Variants in CDH13 observed in about 807,000 individuals in gnomAD.
CDH13 encodes cadherin 13, also known as cadherin-13.
A neutral mutation model predicts 63.8 loss-of-function variants in CDH13; 24 were observed. That is an observed-to-expected ratio of 0.38 (90% confidence interval 0.27 to 0.53). The LOEUF is 0.53. CDH13 is among the 20% of genes least tolerant of loss of function. CDH13 has a pLI of 0.85. For missense variants in CDH13, 1,049 were observed against 903.1 expected (o/e 1.16, Z -2.07); for synonymous variants, 503 against 355.3 (o/e 1.42, Z -4.67).
In CDH13 at chr16:83,032,158, T is replaced by C; in HGVS notation, c.306T>C (p.His102=). The C allele has an allele frequency of 6.2e-7, 1 of 1,613,708 alleles. No homozygotes were observed. The highest frequency in any genetic ancestry group is 8.5e-7 in the Non-Finnish European group (1 of 1,179,786). The stretch of plus-strand genomic sequence containing the variant: ...TGTTCGTCCATGCACGGACCCCCCA[T>C]GCGGAAGATATGGCAGAACTCGTGA... ...KTLFVHARTP[H]AEDMAELVIV... The change falls in exon 3 of 14, where the codon CAT becomes CAC. Residue 102 remains histidine (H), a synonymous_variant. Transcript: ENST00000567109.
chr16:83,289,574 A>T (rs1020188652), intron 5 of CDH13, among the ~76,000 whole-genome samples: 4 of 152,168 alleles, frequency 2.6e-5, no homozygotes, highest in Non-Finnish European at 5.9e-5. Context: ...AATGGAGTAA[A>T]CATACAGGAT....
intron 5 of CDH13, among the ~76,000 whole-genome samples, chr16:83,238,980 CA>C (rs1904290850): frequency 6.6e-6 from 1 of 152,094 alleles, no homozygotes; most frequent in Non-Finnish European, 1.5e-5. Context: ...AGAGATAAGT[CA>C]AAGTCAGGCA....
chr16:83,079,623 G>C (rs902365306), intron 3 of CDH13, among the ~76,000 whole-genome samples: 1 of 152,160 alleles, frequency 6.6e-6, no homozygotes, highest in African/African-American at 2.4e-5. Flanking sequence ...TCTCTTTGTA[G>C]TTGTCATTGT....
At chr16:83,456,150 G>GCACCAC (rs2073019582) in intron 6 of CDH13, among the ~76,000 whole-genome samples, 1 of 152,192 alleles carries the variant, frequency 6.6e-6, no homozygotes, top group African/African-American at 2.4e-5. Context: ...TGTGTGCCAG[G>GCACCAC]CACCACGAGC....
At chr16:82,674,293 A>G (rs1913638220) in intron 1 of CDH13, among the ~76,000 whole-genome samples, 1 of 152,230 alleles carries the variant, frequency 6.6e-6, no homozygotes, top group African/African-American at 2.4e-5. Flanking sequence ...AATAGTGTTT[A>G]TGAAGATCCC....
In CDH13 at chr16:82,970,729, G is replaced by C. The variant is rs576778401; in HGVS notation, c.158-61281G>C. Among the ~76,000 whole-genome samples, 14 of 152,116 alleles carry C rather than the reference G, an allele frequency of 9.2e-5. No homozygotes were observed. The South Asian group carries it at 1.0e-3, about 11-fold the overall frequency. ...GTTTGAGTGTAAGGCAGAGCTCCTT[G>C]ATCTGCATAATAGATTAAGTTCCAG... On this transcript the variant is annotated intron_variant, in intron 2 of 13. Transcript: ENST00000567109.
intron 7 of CDH13, among the ~76,000 whole-genome samples, chr16:83,558,339 A>G (rs1048831677): frequency 2.6e-5 from 4 of 152,236 alleles, no homozygotes; most frequent in Non-Finnish European, 5.9e-5. Context: ...ACAAACATCT[A>G]TGAAAGATAC....
chr16:82,865,485 C>T (rs552553882), intron 2 of CDH13, among the ~76,000 whole-genome samples: 1 of 152,354 alleles, frequency 6.6e-6, no homozygotes, highest in Non-Finnish European at 1.5e-5. Context: ...GTGTAATATG[C>T]CTAGGCTTGG....
intron 3 of CDH13, among the ~76,000 whole-genome samples, chr16:83,034,509 C>A (rs995285091): frequency 6.6e-6 from 1 of 152,198 alleles, no homozygotes; most frequent in Non-Finnish European, 1.5e-5. Flanking sequence ...CACAGCATCT[C>A]ACTAATCTGT....
At chr16:83,740,844 T>C (rs1193349551) in intron 10 of CDH13, among the ~76,000 whole-genome samples, 3 of 152,232 alleles carry the variant, frequency 2.0e-5, no homozygotes, top group Admixed American at 1.3e-4. Flanking sequence ...ACAACTCTTC[T>C]TGTCCACATC....
intron 1 of CDH13, among the ~76,000 whole-genome samples, chr16:82,802,421 C>T (rs117660669): frequency 3.9e-5 from 6 of 152,062 alleles, no homozygotes; most frequent in Non-Finnish European, 1.5e-5. Flanking sequence ...GGATATCTGT[C>T]TCAAAGTTTT....
rs147046663 is a variant in CDH13 at position 82,924,831 on chromosome 16, C to G, written c.157+66358C>G. Among the ~76,000 whole-genome samples the G allele has an allele frequency of 2.3e-3, 357 of 152,178 alleles. 1 individual carries two copies. Among genetic ancestry groups the G allele is most frequent in the African/African-American group, 8.3e-3 (344 of 41,524 alleles). On this transcript the variant is annotated intron_variant, in intron 2 of 13. Transcript: ENST00000567109. ...CTAACATCTAGAATTTTATTAGGCA[C>G]AAACTTTCTCAGATGTTCTCAGTGC...
At chr16:83,011,044 A>C (rs183144499) in intron 2 of CDH13, among the ~76,000 whole-genome samples, 129 of 152,286 alleles carry the variant, frequency 8.5e-4, no homozygotes, top group African/African-American at 3.0e-3. Context: ...GAGTCATGAT[A>C]AATAAAGATG....
chr16:83,336,762 C>T (rs2090607097), intron 5 of CDH13, among the ~76,000 whole-genome samples: 1 of 152,234 alleles, frequency 6.6e-6, no homozygotes, highest in African/African-American at 2.4e-5. Flanking sequence ...CGGAATGACT[C>T]ACAAGTCCAT....
intron 2 of CDH13, among the ~76,000 whole-genome samples, chr16:82,979,628 T>A (rs1266203412): frequency 1.3e-5 from 2 of 152,198 alleles, no homozygotes; most frequent in Non-Finnish European, 2.9e-5. Flanking sequence ...GATCATAGTT[T>A]CCTGAGGCTT....
intron 3 of CDH13, among the ~76,000 whole-genome samples, chr16:83,089,741 A>C (rs769033755): frequency 5.9e-5 from 9 of 152,164 alleles, no homozygotes; most frequent in Non-Finnish European, 8.8e-5. Flanking sequence ...TATAAGGGCT[A>C]CACGTCGGAA....
chr16:83,264,204 T>C (rs1296691766), intron 5 of CDH13, among the ~76,000 whole-genome samples: 3 of 152,208 alleles, frequency 2.0e-5, no homozygotes, highest in Non-Finnish European at 4.4e-5. Flanking sequence ...TCATCCAGTA[T>C]GATGCTCTCC....
intron 4 of CDH13, among the ~76,000 whole-genome samples, chr16:83,173,302 T>C (rs2037998504): frequency 1.3e-5 from 2 of 152,138 alleles, no homozygotes; most frequent in South Asian, 4.1e-4. Flanking sequence ...GGGTTCTATG[T>C]TCTCAAAAGT....
intron 3 of CDH13, among the ~76,000 whole-genome samples, chr16:83,115,799 G>A (rs538129414): frequency 6.6e-6 from 1 of 152,330 alleles, no homozygotes; most frequent in East Asian, 1.9e-4. Flanking sequence ...ATAGAGGTTT[G>A]TGGTTTGTTT....
Sources: allele counts gnomAD v4.1 joint callset (sites outside exome capture counted in the v4.1 genomes callset), GRCh38; gene constraint gnomAD v4.1.1; transcripts MANE v1.5; gene names NCBI Gene and HGNC (gene_info 2026-07-23, HGNC 2026-07-21).